Variants in DEAF1 observed in about 807,000 individuals in gnomAD.
DEAF1 encodes DEAF1 transcription factor.
A neutral mutation model predicts 58.9 loss-of-function variants in DEAF1; 53 were observed. That is an observed-to-expected ratio of 0.90 (90% confidence interval 0.72 to 1.13). The LOEUF (loss-of-function observed/expected upper bound fraction) is 1.13. DEAF1 is among the 50% of genes most tolerant of loss of function. DEAF1 has a pLI of 0.00. For synonymous variants in DEAF1, 385 were observed against 340.4 expected (o/e 1.13, Z -1.44); for missense variants, 685 against 791.4 (o/e 0.87, Z 1.61).
intron 5 of DEAF1, among the ~76,000 whole-genome samples, chr11:686,175 C>T (rs1047530939): frequency 6.6e-6 from 1 of 150,994 alleles, no homozygotes; most frequent in South Asian, 2.1e-4. Context: ...ACCTGTAATC[C>T]CAGCTACTCA....
chr11:697,292 C>T (rs1343513714), upstream of DEAF1, among the ~76,000 whole-genome samples: 1 of 152,210 alleles, frequency 6.6e-6, no homozygotes, highest in East Asian at 1.9e-4. Flanking sequence ...GATTTCTTAA[C>T]ACATCTTGTC....
At chr11:645,257 G>T (rs1269242366) in intron 11 of DEAF1, among the ~76,000 whole-genome samples, 1 of 151,824 alleles carries the variant, frequency 6.6e-6, no homozygotes, top group Non-Finnish European at 1.5e-5. Flanking sequence ...TATCACACAT[G>T]CAGAAAAACA....
At chr11:704,841 C>A in intron 1 of DEAF1, 1 of 371,138 alleles carries the variant, frequency 2.7e-6, no homozygotes, top group Non-Finnish European at 5.2e-6. Flanking sequence ...GACCCCACCC[C>A]CCAGCTGTCC....
rs547222749 is a variant in DEAF1, at chr11:676,755, C to T, written c.1255+1939G>A. On this transcript the variant is annotated intron_variant, in intron 9 of 11. Transcript: ENST00000382409. The stretch of plus-strand genomic sequence containing the variant: ...CTGACCTCAGGTGATCCACCCGCCT[C>T]GGCCTCCCAAAGCGCTGGGATTACC... Among the ~76,000 whole-genome samples the T allele has an allele frequency of 3.3e-5, 5 of 152,270 alleles. No homozygotes were observed. The South Asian group carries it at 8.3e-4, about 25-fold the overall frequency.
chr11:695,669 C>T, upstream of DEAF1: 1 of 1,244,172 alleles, frequency 8.0e-7, no homozygotes. Context: ...CGGTGCCGGA[C>T]GGACTAATCG....
At chr11:703,519 C>G (rs777145541) in intron 1 of DEAF1, 2 of 1,237,396 alleles carry the variant, frequency 1.6e-6, no homozygotes, top group Non-Finnish European at 2.0e-6. Flanking sequence ...GAACAGAGGC[C>G]TCATCTCACT....
At chr11:676,062 C>T (rs1424723288) in intron 9 of DEAF1, among the ~76,000 whole-genome samples, 1 of 36,978 alleles carries the variant, frequency 2.7e-5, no homozygotes, top group Non-Finnish European at 5.1e-5. Flanking sequence ...CCCCAGCATC[C>T]GACACCCCCC....
intron 2 of DEAF1, among the ~76,000 whole-genome samples, chr11:689,114 C>T (rs1860720187): frequency 1.3e-5 from 2 of 152,198 alleles, no homozygotes; most frequent in African/African-American, 2.4e-5. Context: ...TCTCTGAACC[C>T]CGTGTTTTGG....
chr11:650,354 A>C (rs1290569882), intron 11 of DEAF1, among the ~76,000 whole-genome samples: 1 of 135,048 alleles, frequency 7.4e-6, no homozygotes, highest in East Asian at 2.4e-4. Context: ...AGCCTGGGGG[A>C]CAGAGTGACA....
intron 10 of DEAF1, among the ~76,000 whole-genome samples, chr11:660,429 A>C (rs1398245135): frequency 6.6e-6 from 1 of 152,090 alleles, no homozygotes; most frequent in Non-Finnish European, 1.5e-5. Flanking sequence ...CTGCAAAGCC[A>C]CCTCTGTGCT....
intron 11 of DEAF1, among the ~76,000 whole-genome samples, chr11:653,494 C>T (rs1858890808): frequency 7.2e-6 from 1 of 139,110 alleles, no homozygotes; most frequent in Admixed American, 7.4e-5. Flanking sequence ...GACAGTCTCT[C>T]TCGCGTGGCT....
intron 1 of DEAF1, chr11:702,870 C>T: frequency 1.4e-6 from 2 of 1,444,288 alleles, no homozygotes; most frequent in Non-Finnish European, 1.9e-6. Flanking sequence ...CCCAGCAGCC[C>T]TCCAGGCACC....
intron 6 of DEAF1, among the ~76,000 whole-genome samples, chr11:684,687 G>A (rs1319008995): frequency 6.6e-6 from 1 of 152,174 alleles, no homozygotes; most frequent in Non-Finnish European, 1.5e-5. Flanking sequence ...AACATCTTGG[G>A]GGCCAACCAC....
At chr11:672,501 A>G (rs1307264373) in intron 10 of DEAF1, among the ~76,000 whole-genome samples, 1 of 152,226 alleles carries the variant, frequency 6.6e-6, no homozygotes, top group Admixed American at 6.5e-5. Flanking sequence ...TGTCTAGTAG[A>G]ATCTATAACA....
intron 7 of DEAF1, 135 bp downstream of exon 7, chr11:680,828 T>C (rs984871550): frequency 2.3e-6 from 3 of 1,300,340 alleles, no homozygotes; most frequent in Non-Finnish European, 3.3e-6. Context: ...AGGAGTGTGA[T>C]GGCGTTGGAA....
Position 694,996 on chromosome 11 carries a change from C to A in DEAF1, c.52G>T (p.Ala18Ser). The A allele has an allele frequency of 3.3e-6, 4 of 1,209,742 alleles. No homozygotes were observed. Among genetic ancestry groups the A allele is most frequent in the Non-Finnish European group, 4.1e-6 (4 of 972,610 alleles). 74.9% of individuals were successfully genotyped at this position (1,209,742 alleles called of 1,614,324 possible). A position where few individuals can be genotyped will look rare whatever the true frequency, so the allele number is the denominator to read the frequency against. The change falls in exon 1 of 12, where the codon GCG becomes TCG. Residue 18 changes from alanine to serine, a missense_variant. Physicochemically the swap from Ala to Ser is moderately conservative, Grantham distance 99. Transcript: ENST00000382409. Reference sequence around the variant, plus strand: ...GCCACAGCGGCCGCGGCCGCCACCGCCGCCGCCTCAGCCAGGCCCAGCTGC... The same window carrying A: ...GCCACAGCGGCCGCGGCCGCCACCGACGCCGCCTCAGCCAGGCCCAGCTGC... ...AKQLGLAEAA[A>S]VAAAAAVAAA... is the part of the protein sequence containing the mutation.
chr11:656,123 C>T (rs746459571), intron 10 of DEAF1, among the ~76,000 whole-genome samples: 3 of 149,618 alleles, frequency 2.0e-5, no homozygotes, highest in African/African-American at 7.4e-5. Context: ...CATGAGCCAC[C>T]GCGCCTGGCC....
At chr11:704,589 T>C (rs985680890) in intron 1 of DEAF1, 6 of 1,276,906 alleles carry the variant, frequency 4.7e-6, no homozygotes, top group African/African-American at 4.6e-5. Context: ...CCACAAACCA[T>C]GCAGACCAGG....
At chr11:651,884 T>TCAAAAA (rs199771939) in intron 11 of DEAF1, among the ~76,000 whole-genome samples, 2,600 of 152,262 alleles carry the variant, frequency 0.017, 62 homozygotes, top group African/African-American at 0.058. Flanking sequence ...AGACTCCGTC[T>TCAAAAA]CAAAAACAAA....
Sources: gnomAD v4.1 joint callset for allele counts (sites outside exome capture counted in the v4.1 genomes callset) on GRCh38, gnomAD v4.1.1 for gene constraint, MANE v1.5 for transcripts, NCBI Gene and HGNC (gene_info 2026-07-23, HGNC 2026-07-21) for gene names.